SMYD5: variants seen among roughly 807,000 people sequenced by gnomAD.
The protein encoded by SMYD5 is SMYD family member 5, also known as protein-lysine N-trimethyltransferase SMYD5.
In SMYD5, 35 loss-of-function variants were observed where a neutral mutation model predicts 57.4. The ratio of observed to expected loss-of-function variants is 0.61; its 90% CI spans 0.47 to 0.81. The LOEUF (loss-of-function observed/expected upper bound fraction) is 0.81. Among genes scored for constraint, SMYD5 ranks in the 30% least tolerant of loss-of-function variants. SMYD5 has a pLI of 0.00. For missense variants in SMYD5, 471 were observed against 527.9 expected, an observed-to-expected ratio of 0.89 and a Z score of 1.06; for synonymous variants, 198 against 189.7, an observed-to-expected ratio of 1.04 and a Z score of -0.36.
At chr2:73,222,692 C>A in intron 6 of SMYD5, 63 bp from the exon 7 acceptor site, 1 of 1,455,324 alleles carries the variant, frequency 6.9e-7, no homozygotes, top group Non-Finnish European at 9.5e-7. Context: ...CGCCTGGGCC[C>A]TGCCTGGGTG....
At position 73,226,090 on chromosome 2, in the gene SMYD5, G is replaced by T; in HGVS notation, c.*144G>T. On this transcript the variant is annotated 3_prime_UTR_variant, in exon 13 of 13. Coordinates refer to ENST00000389501, the MANE Select transcript of SMYD5 (RefSeq NM_006062.3). ...CCTCTCTGCTAGAGGGTAGGAGAGAGCCTGGATCTCTGGCCCCAACCCCCA... is the reference window on the plus strand; with the variant it reads ...CCTCTCTGCTAGAGGGTAGGAGAGATCCTGGATCTCTGGCCCCAACCCCCA... 8 of 1,177,684 alleles carry T rather than the reference G, an allele frequency of 6.8e-6. No individual in the cohort carries two copies. The highest frequency in any genetic ancestry group is 8.1e-6 in the Non-Finnish European group (7 of 861,272). The allele number at this position is 1,177,684 out of a possible 1,614,324, so 73.0% of individuals were successfully genotyped here.
intron 3 of SMYD5, 142 bp downstream of exon 3, chr2:73,220,332 T>C: frequency 2.1e-6 from 2 of 957,726 alleles, no homozygotes; most frequent in Non-Finnish European, 1.5e-6. Context: ...TTGAAAAGGC[T>C]TGGTTATTGT....
In SMYD5 at chr2:73,224,002, C is replaced by T; in HGVS notation, c.939C>T (p.Cys313=). 1 of 1,614,046 alleles carries T rather than the reference C, an allele frequency of 6.2e-7. No individual in the cohort carries two copies. Among genetic ancestry groups the T allele is most frequent in the Non-Finnish European group, 8.5e-7 (1 of 1,179,888 alleles). ...EGSGLFVLQS[C]CNHSCVPNAE... is the part of the protein sequence containing the mutation. ...CTGGCCTCTTTGTGCTTCAGAGCTGCTGTGAGTCATGGCGTTGAGGAGGGA... is the reference window on the plus strand; with the variant it reads ...CTGGCCTCTTTGTGCTTCAGAGCTGTTGTGAGTCATGGCGTTGAGGAGGGA... Residue 313 remains cysteine, a splice_region_variant and synonymous_variant, in exon 10 of 13, where the codon TGC becomes TGT. Coordinates refer to ENST00000389501, the MANE Select transcript of SMYD5 (RefSeq NM_006062.3).
chr2:73,219,270 C>T (rs1311380853), intron 2 of SMYD5, among the ~76,000 whole-genome samples: 1 of 152,148 alleles, frequency 6.6e-6, no homozygotes, highest in African/African-American at 2.4e-5. Context: ...TGGAGTCCTC[C>T]ACCAAGAGGA....
Position 73,223,106 on chromosome 2 carries a change from G to A in SMYD5, c.776G>A (p.Ser259Asn). The A allele has an allele frequency of 6.2e-7, 1 of 1,613,392 alleles. No individual in the cohort carries two copies. Among genetic ancestry groups the A allele is most frequent in the South Asian group, 1.1e-5 (1 of 91,074 alleles). Residue 259 changes from serine to asparagine, a missense_variant and splice_region_variant, in exon 8 of 13, where the codon AGC becomes AAC. By Grantham distance (46) the Ser-to-Asn change is conservative. Coordinates refer to ENST00000389501, the MANE Select transcript of SMYD5 (RefSeq NM_006062.3). ...VGTNGQGIGT[S>N]SLSQWVHACD... Reference sequence around the variant, plus strand: ...ACCAATGGCCAAGGAATCGGGACCAGGTTAGAATGTTCCAGAGCTATTGAA... The same window carrying A: ...ACCAATGGCCAAGGAATCGGGACCAAGTTAGAATGTTCCAGAGCTATTGAA...
intron 1 of SMYD5, chr2:73,214,900 T>G: frequency 1.1e-6 from 1 of 903,246 alleles, no homozygotes; most frequent in Non-Finnish European, 1.3e-6. Flanking sequence ...GTTCCAAAAG[T>G]TCATTGTAGA....
At chr2:73,224,998 T>TA in intron 11 of SMYD5, 38 bp downstream of exon 11, 1 of 1,528,356 alleles carries the variant, frequency 6.5e-7, no homozygotes, top group Non-Finnish European at 9.0e-7. Flanking sequence ...GGGTGGGCAG[T>TA]AGGCCTTGGA....
intron 1 of SMYD5, among the ~76,000 whole-genome samples, chr2:73,217,293 T>C (rs1686309328): frequency 6.6e-6 from 1 of 152,208 alleles, no homozygotes; most frequent in Non-Finnish European, 1.5e-5. Flanking sequence ...CCTTGAAATA[T>C]GGTCATCAGT....
At chr2:73,219,772 G>C in intron 2 of SMYD5, 1 of 481,756 alleles carries the variant, frequency 2.1e-6, no homozygotes, top group Middle Eastern at 5.6e-4. Flanking sequence ...TGGTAGGGGA[G>C]CCCCACAGAG....
intron 11 of SMYD5, 31 bp from the exon 12 acceptor site, chr2:73,225,600 G>C: frequency 6.2e-7 from 1 of 1,603,288 alleles, no homozygotes; most frequent in Non-Finnish European, 8.5e-7. Context: ...AAAGAGCACA[G>C]ACCATCAGAC....
At chr2:73,218,246 C>G (rs1686324358) in intron 1 of SMYD5, among the ~76,000 whole-genome samples, 3 of 152,336 alleles carry the variant, frequency 2.0e-5, no homozygotes. Flanking sequence ...AAGCAGTTGG[C>G]TCAAAGGTTC....
chr2:73,221,213 G>A lies in SMYD5; in HGVS notation c.516G>A (p.Arg172=). The change falls in exon 5 of 13, where the codon AGG becomes AGA. Residue 172 remains arginine, a synonymous_variant. Coordinates refer to ENST00000389501, the MANE Select transcript of SMYD5 (RefSeq NM_006062.3). The stretch of plus-strand genomic sequence containing the variant: ...CTGCAAGCATCATGTTGATGGCTAG[G>A]ATGGTGGCCACAGTGAAGCAGGTGA... The part of the protein sequence containing the change: ...PETASIMLMA[R]MVATVKQAKD... 1 of 1,613,934 alleles carries A rather than the reference G, an allele frequency of 6.2e-7. No homozygotes were observed. Among genetic ancestry groups the A allele is most frequent in the Non-Finnish European group, 8.5e-7 (1 of 1,179,958 alleles).
In SMYD5 at chr2:73,226,962, C is replaced by T. The variant is rs79992073; in HGVS notation, c.*1016C>T. On this transcript the variant is annotated 3_prime_UTR_variant, in exon 13 of 13. Transcript: ENST00000389501. ...CTCCTACCCCCAGATTAGCACCACCCCTCTCACTCTTGGGTTGGATGCTAT... is the reference window on the plus strand; with the variant it reads ...CTCCTACCCCCAGATTAGCACCACCTCTCTCACTCTTGGGTTGGATGCTAT... 0.035 allele frequency: 5,330 copies of T among 152,816 alleles called. 140 individuals carry two copies. Among genetic ancestry groups the T allele is most frequent in the Non-Finnish European group, 0.053 (3,592 of 68,082 alleles). The allele number at this position is 152,816 out of a possible 1,614,324, so 9.5% of individuals were successfully genotyped here.
chr2:73,223,070 C>A lies in SMYD5; in HGVS notation c.740C>A (p.Ala247Asp), dbSNP rs1474692540. ...CCAGATGGATTCCGGTCTCTCTTTGCTCTTGTTGGGACCAATGGCCAAGGA... is the reference window on the plus strand; with the variant it reads ...CCAGATGGATTCCGGTCTCTCTTTGATCTTGTTGGGACCAATGGCCAAGGA... The part of the protein sequence containing the change: ...FTPDGFRSLF[A>D]LVGTNGQGIG... Residue 247 changes from alanine to aspartate, a missense_variant, in exon 8 of 13, where the codon GCT (alanine) becomes GAT (aspartate). Ala to Asp is a moderately radical substitution (Grantham distance 126, BLOSUM62 -2). Transcript: ENST00000389501. 1 of 1,614,170 alleles carries A rather than the reference C, an allele frequency of 6.2e-7. No homozygotes were observed. Among genetic ancestry groups the A allele is most frequent in the East Asian group, 2.2e-5 (1 of 44,882 alleles).
chr2:73,218,395 C>G (rs376645852), intron 1 of SMYD5, among the ~76,000 whole-genome samples: 10 of 152,290 alleles, frequency 6.6e-5, no homozygotes, highest in African/African-American at 2.4e-4. Context: ...CATTCTCCCC[C>G]AAACAAGGCT....
intron 1 of SMYD5, chr2:73,214,702 T>G: frequency 2.9e-6 from 4 of 1,382,530 alleles, no homozygotes; most frequent in Non-Finnish European, 3.8e-6. Flanking sequence ...CAGAGAGAAC[T>G]GAGGTGTAAA....
chr2:73,221,710 C>A, intron 5 of SMYD5, 116 bp from the exon 6 acceptor site: 1 of 732,716 alleles, frequency 1.4e-6, no homozygotes, highest in South Asian at 1.6e-5. Flanking sequence ...TGGGAGGAAG[C>A]CTCAGGCAGA....
In SMYD5 at chr2:73,225,904, G is replaced by A. The variant is rs147445448; in HGVS notation, c.1215G>A (p.Glu405=). The A allele has an allele frequency of 4.8e-5, 78 of 1,614,070 alleles. No individual in the cohort carries two copies. The highest frequency in any genetic ancestry group is 5.6e-5 in the Non-Finnish European group (66 of 1,180,004). The change falls in exon 13 of 13, where the codon GAG becomes GAA. Residue 405 remains glutamate, a synonymous_variant. Transcript: ENST00000389501. The part of the protein sequence containing the change: ...EEEEEEEEEG[E]PEDAELGDEM... The stretch of plus-strand genomic sequence containing the variant: ...AAGAGGAGGAGGAGGAGGAAGGAGA[G>A]CCAGAAGATGCAGAGCTGGGGGATG...
chr2:73,225,684 C>G lies in SMYD5; in HGVS notation c.1089C>G (p.Ser363Arg). 6.2e-7 allele frequency: 1 copy of G among 1,614,250 alleles called. No individual in the cohort carries two copies. Among genetic ancestry groups the G allele is most frequent in the African/African-American group, 1.3e-5 (1 of 75,074 alleles). ...GTCAGCGGGAGCGCAGCCGCCACAG[C>G]CGCCACAAGATCCTCAGGTGCCAGC... is the stretch of plus-strand genomic sequence containing the variant. ...DCCQRERSRH[S>R]RHKILRENYL... is the part of the protein sequence containing the mutation. Residue 363 changes from serine (S) to arginine (R), a missense_variant, in exon 12 of 13, where the codon AGC becomes AGG. Coordinates refer to ENST00000389501, the MANE Select transcript of SMYD5 (RefSeq NM_006062.3).
Sources: gnomAD v4.1 joint callset for allele counts (sites outside exome capture counted in the v4.1 genomes callset) on GRCh38, gnomAD v4.1.1 for gene constraint, MANE v1.5 for transcripts, NCBI Gene and HGNC (gene_info 2026-07-23, HGNC 2026-07-21) for gene names.